BTBD18: variants seen among roughly 807,000 people sequenced by gnomAD.
BTBD18 encodes the protein BTB/POZ domain-containing protein 18.
For missense variants in BTBD18, 787 were observed against 846.3 expected (o/e 0.93, Z 0.87); for synonymous variants, 311 against 324.4 (o/e 0.96, Z 0.44).
chr11:57,747,850 A>G (rs1236946514), intron 2 of BTBD18, among the ~76,000 whole-genome samples: 1 of 152,070 alleles, frequency 6.6e-6, no homozygotes, highest in African/African-American at 2.4e-5. Flanking sequence ...ACCAGGCTGG[A>G]GCACAGTGAC....
rs1949169744 is a variant in BTBD18 at position 57,745,372 on chromosome 11, T to C, written c.901A>G (p.Arg301Gly). The change falls in exon 3 of 3, where the codon AGG becomes GGG. Residue 301 changes from arginine to glycine, a missense_variant. By Grantham distance (125) the Arg-to-Gly change is moderately radical. Coordinates refer to ENST00000422652, the MANE Select transcript of BTBD18 (RefSeq NM_001145101.3). ...ATPGRRLWRQ[R>G]SVNKETPEDK... ...TCTGGTGTTTCTTTATTTACACTCC[T>C]CTGCCGCCAAAGACGCCGGCCAGGG... 1 of 1,551,734 alleles carries C rather than the reference T, an allele frequency of 6.4e-7. No individual in the cohort carries two copies. Among genetic ancestry groups the C allele is most frequent in the Non-Finnish European group, 8.7e-7 (1 of 1,146,994 alleles).
intron 2 of BTBD18, among the ~76,000 whole-genome samples, chr11:57,748,736 A>G (rs189007678): frequency 6.6e-6 from 1 of 152,302 alleles, no homozygotes; most frequent in Admixed American, 6.5e-5. Context: ...CTGCCTATCT[A>G]GGCTCAGTAA....
chr11:57,745,734 C>G lies in BTBD18; in HGVS notation c.539G>C (p.Arg180Thr). ...NQTPCPLGAIRLKSLGKEEGP... is the reference protein window; with the variant it reads ...NQTPCPLGAITLKSLGKEEGP... ...CTCTTCCTTCCCCAAGGACTTCAAT[C>G]TTATTGCCCCAAGAGGACAAGGAGT... is the stretch of plus-strand genomic sequence containing the variant. Residue 180 changes from arginine (R) to threonine (T), a missense_variant, in exon 3 of 3, where the codon AGA (arginine) becomes ACA (threonine). Physicochemically the swap from Arg to Thr is moderately conservative, Grantham distance 71 (BLOSUM62 -1). Transcript: ENST00000422652. The G allele has an allele frequency of 6.4e-7, 1 of 1,551,642 alleles. No individual in the cohort carries two copies. The highest frequency in any genetic ancestry group is 8.7e-7 in the Non-Finnish European group (1 of 1,146,974).
intron 2 of BTBD18, among the ~76,000 whole-genome samples, chr11:57,749,745 CAAAAAAAAAAAAAA>C (rs576323420): frequency 1.6e-5 from 1 of 62,970 alleles, no homozygotes; most frequent in East Asian, 6.3e-4. Flanking sequence ...GCAAGAATCT[CAAAAAAAAAAAAAA>C]AAAAAAAAAA....
chr11:57,749,436 T>C (rs189414081), intron 2 of BTBD18, among the ~76,000 whole-genome samples: 21 of 152,300 alleles, frequency 1.4e-4, no homozygotes, highest in Non-Finnish European at 2.6e-4. Flanking sequence ...CTAAGGCTTC[T>C]CTTACAAGAC....
In BTBD18 at chr11:57,744,809, A is replaced by G; in HGVS notation, c.1464T>C (p.Ala488=). The stretch of plus-strand genomic sequence containing the variant: ...TCTCCTCCAGCTCACTGGTGGCAGC[A>G]GCACTTGTGATTCGGTACTCCTCAG... ...CEAEEYRITS[A]AATSELEEIL... is the part of the protein sequence containing the mutation. Residue 488 remains alanine (A), a synonymous_variant, in exon 3 of 3, where the codon GCT becomes GCC. Coordinates refer to ENST00000422652, the MANE Select transcript of BTBD18 (RefSeq NM_001145101.3). The G allele has an allele frequency of 6.4e-7, 1 of 1,551,748 alleles. No individual in the cohort carries two copies. The highest frequency in any genetic ancestry group is 8.7e-7 in the Non-Finnish European group (1 of 1,147,006).
rs61733342 is a variant in BTBD18, at chr11:57,745,922, C to T, written c.351G>A (p.Val117=). 2,654 of 1,551,604 alleles carry T rather than the reference C, an allele frequency of 1.7e-3. 48 individuals are homozygous for T. The African/African-American group carries it at 0.03, about 18-fold the overall frequency. The change falls in exon 3 of 3, where the codon GTG becomes GTA. Residue 117 remains valine, a synonymous_variant. Transcript: ENST00000422652. ...CAAGCTGAAGGGATTCCAGCTCAGA[C>T]ACACGGAGCTGACGGGCAGCAGATA... The part of the protein sequence containing the change: ...DVLSAARQLR[V]SELESLQLEG...
At position 57,745,837 on chromosome 11, in the gene BTBD18, G is replaced by A; in HGVS notation, c.436C>T (p.Pro146Ser). Residue 146 changes from proline (P) to serine (S), a missense_variant, in exon 3 of 3, where the codon CCA (proline) becomes TCA (serine). Pro to Ser is a moderately conservative substitution (Grantham distance 74). Transcript: ENST00000422652. Reference protein sequence around the residue: ...GRRLNRECLQPTSAAPISARV... With the variant: ...GRRLNRECLQSTSAAPISARV... ...GCAGAGATTGGTGCAGCACTTGTTG[G>A]TTGTAAGCACTCTCGGTTCAGCCTT... 6.4e-7 allele frequency: 1 copy of A among 1,551,668 alleles called. No homozygotes were observed. The highest frequency in any genetic ancestry group is 8.7e-7 in the Non-Finnish European group (1 of 1,146,994).
chr11:57,748,003 T>C (rs1490094474), intron 2 of BTBD18, among the ~76,000 whole-genome samples: 4 of 152,182 alleles, frequency 2.6e-5, no homozygotes, highest in Non-Finnish European at 5.9e-5. Flanking sequence ...GGTTTTACCA[T>C]ATTGCCTAGG....
chr11:57,752,080 T>C (rs1299895671), upstream of BTBD18, among the ~76,000 whole-genome samples: 2 of 152,224 alleles, frequency 1.3e-5, no homozygotes, highest in Admixed American at 1.3e-4. Flanking sequence ...CTGAGTATTC[T>C]GACTTCAGGC....
chr11:57,747,841 C>G (rs745627925), intron 2 of BTBD18, among the ~76,000 whole-genome samples: 1 of 152,104 alleles, frequency 6.6e-6, no homozygotes, highest in Non-Finnish European at 1.5e-5. Flanking sequence ...GCTCTGCCAA[C>G]CAGGCTGGAG....
intron 1 of BTBD18, 43 bp from the exon 2 acceptor site, chr11:57,751,279 A>AT: frequency 1.3e-5 from 15 of 1,118,318 alleles, no homozygotes; most frequent in South Asian, 6.8e-5. Flanking sequence ...GTTACATCTA[A>AT]TTTGTTTTTT....
At position 57,745,116 on chromosome 11, in the gene BTBD18, A is replaced by G. The variant is rs1383014769; in HGVS notation, c.1157T>C (p.Ile386Thr). ...PLKNTQDSPQIPDPGGDFQEP... is the reference protein window; with the variant it reads ...PLKNTQDSPQTPDPGGDFQEP... ...TTGGAAGTCTCCTCCGGGATCTGGG[A>G]TCTGGGGGCTATCTTGAGTGTTTTT... is the stretch of plus-strand genomic sequence containing the variant. Residue 386 changes from isoleucine (I) to threonine (T), a missense_variant, in exon 3 of 3, where the codon ATC becomes ACC. Transcript: ENST00000422652. 2 of 1,551,564 alleles carry G rather than the reference A, an allele frequency of 1.3e-6. No individual in the cohort carries two copies. The highest frequency in any genetic ancestry group is 1.7e-6 in the Non-Finnish European group (2 of 1,147,006).
chr11:57,747,051 CAA>C (rs1949210116), intron 2 of BTBD18, among the ~76,000 whole-genome samples: 1 of 152,170 alleles, frequency 6.6e-6, no homozygotes, highest in Non-Finnish European at 1.5e-5. Context: ...TTGACTCACA[CAA>C]GAGTTCAAAA....
chr11:57,749,736 C>A (rs1590998592), intron 2 of BTBD18, among the ~76,000 whole-genome samples: 1 of 86,742 alleles, frequency 1.2e-5, no homozygotes, highest in Admixed American at 1.8e-4. Flanking sequence ...GGCGACAGCG[C>A]AAGAATCTCA....
At position 57,744,288 on chromosome 11, in the gene BTBD18, G is replaced by C. The variant is rs933976213; in HGVS notation, c.1985C>G (p.Ser662Cys). ...GGCAGGAAGTGAGCCTAGTAGTTCAGAGTGACCAGATACCTCCTTGCCTGC... is the reference window on the plus strand; with the variant it reads ...GGCAGGAAGTGAGCCTAGTAGTTCACAGTGACCAGATACCTCCTTGCCTGC... The part of the protein sequence containing the change: ...PKAGKEVSGH[S>C]ELLGSLPASS... The change falls in exon 3 of 3, where the codon TCT (serine) becomes TGT (cysteine). Residue 662 changes from serine (S) to cysteine (C), a missense_variant. Physicochemically the swap from Ser to Cys is moderately radical, Grantham distance 112. Transcript: ENST00000422652. 2 of 1,551,544 alleles carry C rather than the reference G, an allele frequency of 1.3e-6. No individual in the cohort carries two copies. Among genetic ancestry groups the C allele is most frequent in the African/African-American group, 2.7e-5 (2 of 73,032 alleles).
At chr11:57,748,662 T>C (rs930544189) in intron 2 of BTBD18, among the ~76,000 whole-genome samples, 1 of 152,232 alleles carries the variant, frequency 6.6e-6, no homozygotes, top group Non-Finnish European at 1.5e-5. Context: ...TAGCTCATAT[T>C]TTTATCTTCT....
At position 57,744,100 on chromosome 11, in the gene BTBD18, C is replaced by T. The variant is rs780342057; in HGVS notation, c.*34G>A. ...CTTTTGCTAGCTAACATTTCCCACCCTCCCAAGGCCCCTAACCTGCCCTCC... is the reference window on the plus strand; with the variant it reads ...CTTTTGCTAGCTAACATTTCCCACCTTCCCAAGGCCCCTAACCTGCCCTCC... On this transcript the variant is annotated 3_prime_UTR_variant, in exon 3 of 3. Transcript: ENST00000422652. 2.1e-5 allele frequency: 30 copies of T among 1,403,140 alleles called. 1 individual carries two copies. In the East Asian group the frequency reaches 6.3e-4, roughly 29 times the overall value. 86.9% of individuals were successfully genotyped at this position (1,403,140 alleles called of 1,614,324 possible).
Position 57,746,168 on chromosome 11 carries a change from C to G in BTBD18, c.125-20G>C, listed in dbSNP as rs139366560. On this transcript the variant is annotated intron_variant, in intron 2 of 2. Transcript: ENST00000422652. ...CCTCACCTGAAGGGAAACCCAAATACTTTTGTTATCAGGTAGACTGGCATG... is the reference window on the plus strand; with the variant it reads ...CCTCACCTGAAGGGAAACCCAAATAGTTTTGTTATCAGGTAGACTGGCATG... 5.3e-6 allele frequency: 8 copies of G among 1,513,432 alleles called. No homozygotes were observed. In the African/African-American group the frequency reaches 1.1e-4, roughly 21 times the overall value. The allele number at this position is 1,513,432 out of a possible 1,614,324, so 93.8% of individuals were successfully genotyped here.
Sources: allele counts gnomAD v4.1 joint callset (sites outside exome capture counted in the v4.1 genomes callset), GRCh38; gene constraint gnomAD v4.1.1; transcripts MANE v1.5; gene names NCBI Gene and HGNC (gene_info 2026-07-23, HGNC 2026-07-21).